The following UBAC2 variants were observed in gnomAD, a reference collection of about 807,000 sequenced individuals.
UBAC2 encodes the protein ubiquitin-associated domain-containing protein 2.
In UBAC2, 26 loss-of-function variants were observed where a neutral mutation model predicts 44.0. The observed-to-expected ratio is 0.59, with a 90% CI of 0.43 to 0.82. The LOEUF is 0.82. Ranked by LOEUF, UBAC2 falls within the 40% of genes least tolerant of loss-of-function variation. The pLI is 0.00. For synonymous variants in UBAC2, 155 were observed against 154.3 expected (o/e 1.00, Z -0.04); for missense variants, 329 against 419.4 (o/e 0.78, Z 1.88).
chr13:99,342,167 G>A (rs1181305447), intron 7 of UBAC2, among the ~76,000 whole-genome samples: 27 of 152,198 alleles, frequency 1.8e-4, no homozygotes, highest in Admixed American at 1.5e-3. Flanking sequence ...GGGACAGAGG[G>A]AGCAGCTGCA....
intron 1 of UBAC2, among the ~76,000 whole-genome samples, chr13:99,206,819 A>T (rs2042878110): frequency 6.6e-6 from 1 of 151,964 alleles, no homozygotes; most frequent in Admixed American, 6.5e-5. Flanking sequence ...GTCTCTCCCC[A>T]TCTCTTCACC....
intron 5 of UBAC2, among the ~76,000 whole-genome samples, chr13:99,316,640 C>CA (rs1258229805): frequency 4.6e-5 from 7 of 152,324 alleles, no homozygotes; most frequent in Middle Eastern, 3.4e-3. Context: ...TGAGAAAACA[C>CA]ACAGATACTG....
At chr13:99,222,538 G>GTAAT (rs1375712359) in intron 1 of UBAC2, among the ~76,000 whole-genome samples, 1 of 152,322 alleles carries the variant, frequency 6.6e-6, no homozygotes, top group East Asian at 1.9e-4. Context: ...TAGCCCATTG[G>GTAAT]TAATTACATA....
intron 4 of UBAC2, among the ~76,000 whole-genome samples, chr13:99,271,371 C>G (rs1190120965): frequency 6.6e-6 from 1 of 152,114 alleles, no homozygotes; most frequent in Non-Finnish European, 1.5e-5. Flanking sequence ...CTGCCAGTGC[C>G]AAGGCCCTCA....
chr13:99,252,408 C>A lies in UBAC2; in HGVS notation c.389+7784C>A, dbSNP rs188970496. Among the ~76,000 whole-genome samples the A allele has an allele frequency of 3.3e-3, 506 of 152,338 alleles. 2 individuals are homozygous for A. The highest frequency in any genetic ancestry group is 0.012 in the African/African-American group (484 of 41,570). On this transcript the variant is annotated intron_variant, in intron 4 of 8. Coordinates refer to ENST00000403766, the MANE Select transcript of UBAC2 (RefSeq NM_001144072.2). ...CAAGCAAGCCTTGATTACAGTGTAG[C>A]CCCAGTAAGACTGTAAGGGAAGGCC... is the stretch of plus-strand genomic sequence containing the variant.
In UBAC2 at chr13:99,295,038, A is replaced by G. The variant is rs752867105; in HGVS notation, c.390-19059A>G. 12 of 1,602,788 alleles carry G rather than the reference A, an allele frequency of 7.5e-6. No homozygotes were observed. The highest frequency in any genetic ancestry group is 1.7e-4 in the Middle Eastern group (1 of 5,996). On this transcript the variant is annotated intron_variant, in intron 4 of 8. Coordinates refer to ENST00000403766, the MANE Select transcript of UBAC2 (RefSeq NM_001144072.2). The surrounding 1 kb of genome is among the most constrained non-coding windows in gnomAD (Gnocchi z 4.1). ...AGTTTGTCATACAGTTTACGTCACT[A>G]TAAACCAAAATACAATCCATTTCAC...
chr13:99,244,074 G>T, intron 3 of UBAC2, 123 bp downstream of exon 3: 1 of 813,266 alleles, frequency 1.2e-6, no homozygotes, highest in South Asian at 2.1e-5. Context: ...ACACTATTCT[G>T]TATCTGATTT....
intron 7 of UBAC2, among the ~76,000 whole-genome samples, chr13:99,350,204 T>C (rs1354154851): frequency 3.3e-5 from 5 of 152,232 alleles, no homozygotes; most frequent in Non-Finnish European, 7.3e-5. Context: ...TTATGACTAC[T>C]CTTACTCTAT....
At chr13:99,330,362 G>A (rs1217531309) in intron 6 of UBAC2, among the ~76,000 whole-genome samples, 1 of 141,610 alleles carries the variant, frequency 7.1e-6, no homozygotes, top group East Asian at 2.2e-4. Context: ...AGGAGGCTGA[G>A]GCAGGAGAAT....
chr13:99,308,161 T>G (rs1436426110), intron 4 of UBAC2, among the ~76,000 whole-genome samples: 1 of 152,220 alleles, frequency 6.6e-6, no homozygotes, highest in East Asian at 1.9e-4. Flanking sequence ...TTACCAGATA[T>G]GTAGCACTCA....
Position 99,224,276 on chromosome 13 carries a change from A to ACATTGAATT in UBAC2, c.32-14150_32-14142dup, listed in dbSNP as rs1725141931. On this transcript the variant is annotated intron_variant, in intron 1 of 8. Coordinates refer to ENST00000403766, the MANE Select transcript of UBAC2 (RefSeq NM_001144072.2). The stretch of plus-strand genomic sequence containing the variant: ...CCTCCCTTTTCTTAAAAGACATGTC[A>ACATTGAATT]CATTGAATTAGGGCTCCATCTATCC... Among the ~76,000 whole-genome samples, 4 of 152,146 alleles carry ACATTGAATT rather than the reference A, an allele frequency of 2.6e-5. No individual in the cohort carries two copies. In the South Asian group the frequency reaches 8.3e-4, roughly 32 times the overall value.
chr13:99,275,706 C>CT (rs1169510955), intron 4 of UBAC2, among the ~76,000 whole-genome samples: 5 of 152,070 alleles, frequency 3.3e-5, no homozygotes, highest in African/African-American at 1.2e-4. Flanking sequence ...CTTTTTACCT[C>CT]TTTGTTTTCT....
chr13:99,255,696 G>A (rs1380407427), intron 4 of UBAC2: 1 of 1,613,914 alleles, frequency 6.2e-7, no homozygotes, highest in East Asian at 2.2e-5. Flanking sequence ...TCATCATATA[G>A]ATGGTTACCG....
At chr13:99,222,453 A>C (rs1030522953) in intron 1 of UBAC2, among the ~76,000 whole-genome samples, 7 of 152,236 alleles carry the variant, frequency 4.6e-5, no homozygotes, top group Non-Finnish European at 7.3e-5. Context: ...CTAAGTGCTT[A>C]ATAAATGTTG....
At chr13:99,260,732 A>G (rs61261612) in intron 4 of UBAC2, among the ~76,000 whole-genome samples, 2,625 of 152,172 alleles carry the variant, frequency 0.017, 40 homozygotes, top group South Asian at 0.055. Context: ...TTTTCCCCAA[A>G]CAGAGGAACT....
Position 99,295,275 on chromosome 13 carries a change from G to T in UBAC2, c.390-18822G>T. On this transcript the variant is annotated intron_variant, in intron 4 of 8. Transcript: ENST00000403766. The surrounding 1 kb of genome is among the most constrained non-coding windows in gnomAD (Gnocchi z 4.1). ...AAGTTCATCAGGCATACTGTAAAGT[G>T]CAGAGAAATCTGGAACGAATGTCTT... 6.2e-7 allele frequency: 1 copy of T among 1,614,168 alleles called. No individual in the cohort carries two copies. The highest frequency in any genetic ancestry group is 2.2e-5 in the East Asian group (1 of 44,872).
At chr13:99,278,610 C>G (rs2043914076) in intron 4 of UBAC2, among the ~76,000 whole-genome samples, 2 of 152,088 alleles carry the variant, frequency 1.3e-5, no homozygotes. Context: ...TGATATTTCT[C>G]AACCTAAAAA....
chr13:99,288,138 C>T (rs1020784345), intron 4 of UBAC2, among the ~76,000 whole-genome samples: 1 of 152,172 alleles, frequency 6.6e-6, no homozygotes, highest in Non-Finnish European at 1.5e-5. Flanking sequence ...TTGTAGCCTC[C>T]ATGTAGTTTC....
Position 99,314,184 on chromosome 13 carries a change from C to A in UBAC2, c.477C>A (p.Ile159=), listed in dbSNP as rs1417970947. 8 of 1,610,782 alleles carry A rather than the reference C, an allele frequency of 5.0e-6. No individual in the cohort carries two copies. The South Asian group carries it at 8.8e-5, about 18-fold the overall frequency. Residue 159 remains isoleucine (I), a synonymous_variant, in exon 5 of 9, where the codon ATC becomes ATA. Transcript: ENST00000403766. ...CACAAATTCTGGGTCCGTTGTCCATCACAAACAAGACATTGATTTATATAT... is the reference window on the plus strand; with the variant it reads ...CACAAATTCTGGGTCCGTTGTCCATAACAAACAAGACATTGATTTATATAT... ...QVAQILGPLS[I]TNKTLIYILG...
Sources: allele counts gnomAD v4.1 joint callset (sites outside exome capture counted in the v4.1 genomes callset), GRCh38; gene constraint gnomAD v4.1.1; non-coding constraint Gnocchi (gnomAD v3.1); transcripts MANE v1.5; gene names NCBI Gene and HGNC (gene_info 2026-07-23, HGNC 2026-07-21).